Variants in TPO observed in about 807,000 individuals in gnomAD.
TPO encodes the protein thyroid peroxidase, also known as thyroid microsomal antigen.
TPO carries 78 observed loss-of-function variants against 96.9 expected under a neutral mutation model. The observed-to-expected ratio is 0.81, with a 90% CI of 0.67 to 0.97. The LOEUF (loss-of-function observed/expected upper bound fraction) is 0.97. TPO is among the 50% of genes least tolerant of loss of function. The pLI, the probability that TPO is intolerant of heterozygous loss-of-function variation, is 0.00. For missense variants in TPO, 1,252 were observed against 1,274.8 expected (o/e 0.98, Z 0.27); for synonymous variants, 547 against 538.0 (o/e 1.02, Z -0.23).
chr2:1,413,861 G>A (rs1414298601), intron 1 of TPO: 2 of 438,598 alleles, frequency 4.6e-6, no homozygotes, highest in Admixed American at 1.3e-4. Context: ...AAGAAAACAA[G>A]GATTTGAAAG....
At chr2:1,509,913 C>CA (rs1243627004) in intron 14 of TPO, among the ~76,000 whole-genome samples, 1 of 149,122 alleles carries the variant, frequency 6.7e-6, no homozygotes, top group Non-Finnish European at 1.5e-5. Flanking sequence ...GTTTCAGGGA[C>CA]ACCCCACCCT....
intron 9 of TPO, among the ~76,000 whole-genome samples, chr2:1,487,600 G>A (rs1671290059): frequency 1.3e-5 from 2 of 152,176 alleles, no homozygotes; most frequent in African/African-American, 4.8e-5. Context: ...AGCCAAGCAT[G>A]GTAGCGGGCG....
At chr2:1,435,912 C>G (rs1665521997) in intron 4 of TPO, among the ~76,000 whole-genome samples, 2 of 152,122 alleles carry the variant, frequency 1.3e-5, no homozygotes, top group South Asian at 4.1e-4. Context: ...GATGAATGAG[C>G]CCTGGAGATG....
rs1232956495 is a variant in TPO, at chr2:1,531,441, C to A, written c.2619-9153C>A. Among the ~76,000 whole-genome samples the A allele has an allele frequency of 1.3e-4, 8 of 59,530 alleles. 2 individuals are homozygous for A. The highest frequency in any genetic ancestry group is 0.017 in the Middle Eastern group (2 of 116). The allele number at this position is 59,530 out of a possible 152,430, so 39.1% of individuals were successfully genotyped here. ...CCCAAATCCCTCCCACTGTGAGCAA[C>A]CTCCCCAAATCCCTCCCACTGTGTG... On this transcript the variant is annotated intron_variant, in intron 15 of 16. Transcript: ENST00000329066.
At chr2:1,535,763 C>A (rs1472688956) in intron 15 of TPO, among the ~76,000 whole-genome samples, 1 of 91,784 alleles carries the variant, frequency 1.1e-5, no homozygotes, top group Non-Finnish European at 2.3e-5. Context: ...CTCTGTGCAA[C>A]CTCCCGAAAT....
intron 15 of TPO, among the ~76,000 whole-genome samples, chr2:1,540,256 T>A (rs1187706891): frequency 1.3e-5 from 2 of 152,146 alleles, no homozygotes; most frequent in African/African-American, 4.8e-5. Flanking sequence ...TGTCTGTCAT[T>A]TGGATGCGTC....
At chr2:1,482,633 A>G (rs553416658) in intron 8 of TPO, among the ~76,000 whole-genome samples, 4 of 152,300 alleles carry the variant, frequency 2.6e-5, no homozygotes, top group South Asian at 4.1e-4. Flanking sequence ...TTCCAGAAGA[A>G]TTGCCATGAA....
At position 1,515,897 on chromosome 2, in the gene TPO, T is replaced by TA. The variant is rs913769965; in HGVS notation, c.2519-976dup. Among the ~76,000 whole-genome samples, 219 of 149,898 alleles carry TA rather than the reference T, an allele frequency of 1.5e-3. 3 individuals carry two copies. In the East Asian group the frequency reaches 0.023, roughly 16 times the overall value. ...TTATCCAGGGCGACCCATGTTTGTT[T>TA]AAAAAAAAAACGCTGATTGGTAGTA... On this transcript the variant is annotated intron_variant, in intron 14 of 16. Transcript: ENST00000329066.
chr2:1,501,862 CTT>C (rs1266013164), intron 13 of TPO, among the ~76,000 whole-genome samples: 1 of 152,064 alleles, frequency 6.6e-6, no homozygotes, highest in Non-Finnish European at 1.5e-5. Flanking sequence ...CTCTAGAACT[CTT>C]GGAGGATGCA....
intron 10 of TPO, among the ~76,000 whole-genome samples, chr2:1,489,264 A>C (rs1671485672): frequency 8.0e-6 from 1 of 124,902 alleles, no homozygotes; most frequent in Admixed American, 8.1e-5. Flanking sequence ...CCCAGCACAC[A>C]CCCACACATG....
intron 10 of TPO, among the ~76,000 whole-genome samples, chr2:1,489,136 A>C (rs79857466): frequency 0.039 from 5,620 of 142,674 alleles, 128 homozygotes; most frequent in Non-Finnish European, 0.052. Context: ...CCCACACATG[A>C]CCAGCACATG....
At position 1,542,467 on chromosome 2, in the gene TPO, C is replaced by T. The variant is rs144874749; in HGVS notation, c.2795C>T (p.Ala932Val). 21 of 1,614,160 alleles carry T rather than the reference C, an allele frequency of 1.3e-5. No homozygotes were observed. The African/African-American group carries it at 2.8e-4, about 22-fold the overall frequency. The change falls in exon 17 of 17, where the codon GCC becomes GTC. Residue 932 changes from alanine (A) to valine (V), a missense_variant. Transcript: ENST00000329066. ...EGRDTHRLPR[A>V]L ...CGGGATACTCACAGGCTGCCGAGAGCCCTCTGAGGGCAAAGTGGCAGGACA... is the reference window on the plus strand; with the variant it reads ...CGGGATACTCACAGGCTGCCGAGAGTCCTCTGAGGGCAAAGTGGCAGGACA...
intron 14 of TPO, among the ~76,000 whole-genome samples, chr2:1,509,818 C>A (rs1221683919): frequency 4.1e-5 from 6 of 146,844 alleles, no homozygotes; most frequent in Non-Finnish European, 8.9e-5. Context: ...ATTTCAGGAA[C>A]AGGACACCCT....
At position 1,515,818 on chromosome 2, in the gene TPO, C is replaced by T. The variant is rs28913002; in HGVS notation, c.2519-1065C>T. Among the ~76,000 whole-genome samples the T allele has an allele frequency of 4.4e-3, 675 of 152,228 alleles. 6 individuals are homozygous for T. Among genetic ancestry groups the T allele is most frequent in the African/African-American group, 0.014 (589 of 41,522 alleles). ...CCCCAGCCGCTGCCTCTGTCTGGTA[C>T]CTGAATGTGCTCTCTTAGCCCCAGA... On this transcript the variant is annotated intron_variant, in intron 14 of 16. Coordinates refer to ENST00000329066, the MANE Select transcript of TPO (RefSeq NM_001206744.2).
upstream of TPO, among the ~76,000 whole-genome samples, chr2:1,409,625 C>T (rs552891931): frequency 3.2e-4 from 48 of 152,184 alleles, no homozygotes; most frequent in South Asian, 8.1e-3. Flanking sequence ...CAGAGCTCAC[C>T]CTGGTATCCC....
At chr2:1,393,406 G>C (rs1183622572) in intron 1 of TPO, among the ~76,000 whole-genome samples, 1 of 152,208 alleles carries the variant, frequency 6.6e-6, no homozygotes, top group Non-Finnish European at 1.5e-5. Context: ...TGGGGACACA[G>C]ATTCAAGCCA....
intron 2 of TPO, among the ~76,000 whole-genome samples, chr2:1,418,884 G>T (rs1663218492): frequency 1.3e-5 from 2 of 152,208 alleles, no homozygotes. Flanking sequence ...AAACAGCAAG[G>T]ATTAAAGTAA....
chr2:1,497,092 G>A (rs1388438941), intron 13 of TPO, among the ~76,000 whole-genome samples: 2 of 152,174 alleles, frequency 1.3e-5, no homozygotes, highest in African/African-American at 2.4e-5. Context: ...GAACACAGCA[G>A]CAAACGTCTC....
chr2:1,496,504 C>CA, intron 12 of TPO, 91 bp from the exon 13 acceptor site: 1 of 1,572,734 alleles, frequency 6.4e-7, no homozygotes, highest in African/African-American at 1.3e-5. Flanking sequence ...CCAGCCCCTC[C>CA]AGGGCACAAG....
Sources: allele counts gnomAD v4.1 joint callset (sites outside exome capture counted in the v4.1 genomes callset), GRCh38; gene constraint gnomAD v4.1.1; transcripts MANE v1.5; gene names NCBI Gene and HGNC (gene_info 2026-07-23, HGNC 2026-07-21).